The following FKBP5 variants were observed in gnomAD, a reference collection of about 807,000 sequenced individuals.
The protein encoded by FKBP5 is peptidyl-prolyl cis-trans isomerase FKBP5.
A neutral mutation model predicts 50.5 loss-of-function variants in FKBP5; 23 were observed. That is an observed-to-expected ratio of 0.46 (90% CI 0.33 to 0.65). FKBP5 has a LOEUF of 0.65. Among genes scored for constraint, FKBP5 ranks in the 30% least tolerant of loss-of-function variants. The probability of loss-of-function intolerance (pLI) is 0.02; values close to 1 mark genes in which losing one functional copy is unlikely to be tolerated. For synonymous variants in FKBP5, 176 were observed against 190.6 expected (o/e 0.92, Z 0.63); for missense variants, 411 against 553.1 (o/e 0.74, Z 2.58).
At chr6:35,705,825 G>A (rs1207569797) in intron 2 of FKBP5, among the ~76,000 whole-genome samples, 1 of 152,124 alleles carries the variant, frequency 6.6e-6, no homozygotes, top group Non-Finnish European at 1.5e-5. Flanking sequence ...AAGGGAAAAT[G>A]TTGGCTAGAT....
At chr6:35,630,197 C>T (rs563546331) in intron 3 of FKBP5, among the ~76,000 whole-genome samples, 4 of 151,172 alleles carry the variant, frequency 2.6e-5, no homozygotes, top group African/African-American at 7.3e-5. Context: ...AGAGAGCGAG[C>T]GAACACAAGC....
intron 2 of FKBP5, among the ~76,000 whole-genome samples, chr6:35,701,721 T>C (rs1159509451): frequency 6.6e-6 from 1 of 152,050 alleles, no homozygotes; most frequent in Non-Finnish European, 1.5e-5. Context: ...GTTTATTTTT[T>C]GTAGAGACAG....
At chr6:35,723,921 C>T (rs1190774026) in intron 1 of FKBP5, among the ~76,000 whole-genome samples, 1 of 152,216 alleles carries the variant, frequency 6.6e-6, no homozygotes, top group African/African-American at 2.4e-5. Flanking sequence ...ACAAAGTACC[C>T]CAGACAGCAA....
At chr6:35,694,349 A>C (rs1207136364) in intron 2 of FKBP5, among the ~76,000 whole-genome samples, 1 of 151,454 alleles carries the variant, frequency 6.6e-6, no homozygotes, top group Non-Finnish European at 1.5e-5. Flanking sequence ...CACTATTTGC[A>C]GAGACCAGGC....
intron 6 of FKBP5, among the ~76,000 whole-genome samples, chr6:35,591,768 C>A (rs925753691): frequency 2.6e-5 from 4 of 152,154 alleles, no homozygotes; most frequent in African/African-American, 9.7e-5. Flanking sequence ...AAAGTTTTCA[C>A]ACTATTTAAG....
intron 1 of FKBP5, among the ~76,000 whole-genome samples, chr6:35,664,330 A>G (rs1765157305): frequency 6.6e-6 from 1 of 152,168 alleles, no homozygotes; most frequent in South Asian, 2.1e-4. Flanking sequence ...AAGATGAAAG[A>G]TTTTATGAAC....
At chr6:35,579,381 C>T in intron 9 of FKBP5, among the ~76,000 whole-genome samples, 1 of 152,100 alleles carries the variant, frequency 6.6e-6, no homozygotes, top group East Asian at 1.9e-4. Flanking sequence ...CTTTTACCCA[C>T]AGTATAATAT....
intron 8 of FKBP5, chr6:35,581,033 A>T: frequency 2.0e-6 from 2 of 978,664 alleles, no homozygotes; most frequent in Non-Finnish European, 2.4e-6. Flanking sequence ...TTGTAGTGCA[A>T]AAGCTGCTCT....
intron 1 of FKBP5, among the ~76,000 whole-genome samples, chr6:35,666,394 T>TAAAAAAAAAAAAAA (rs550878351): frequency 0.061 from 2,018 of 33,196 alleles, 544 homozygotes; most frequent in Non-Finnish European, 0.08. Context: ...CTATTATAGT[T>TAAAAAAAAAAAAAA]AAAAAAAAAA....
intron 2 of FKBP5, among the ~76,000 whole-genome samples, chr6:35,719,794 A>G (rs1425907904): frequency 6.6e-6 from 1 of 152,240 alleles, no homozygotes; most frequent in Admixed American, 6.5e-5. Flanking sequence ...TTCAACCCCA[A>G]GCTTGACTGC....
chr6:35,658,158 C>T (rs1005838359), intron 1 of FKBP5, among the ~76,000 whole-genome samples: 4 of 151,840 alleles, frequency 2.6e-5, no homozygotes, highest in African/African-American at 9.7e-5. Context: ...GGGTGGATCA[C>T]GAGGTTAGGA....
At chr6:35,682,901 CT>C (rs1313686315) in intron 1 of FKBP5, among the ~76,000 whole-genome samples, 20 of 124,842 alleles carry the variant, frequency 1.6e-4, no homozygotes, top group African/African-American at 5.2e-4. Context: ...GAAACAATCT[CT>C]TTTAAAAAAA....
At chr6:35,633,270 C>G (rs901036901) in intron 3 of FKBP5, among the ~76,000 whole-genome samples, 3 of 152,090 alleles carry the variant, frequency 2.0e-5, no homozygotes, top group African/African-American at 7.2e-5. Flanking sequence ...AGTCTGGGCA[C>G]AGTGGCTCAT....
intron 2 of FKBP5, among the ~76,000 whole-genome samples, chr6:35,696,002 A>G (rs527266485): frequency 6.6e-6 from 1 of 152,026 alleles, no homozygotes; most frequent in East Asian, 1.9e-4. Context: ...AAAATTAGCT[A>G]GGCATGGTGG....
chr6:35,638,407 G>A (rs1452394944), intron 2 of FKBP5, among the ~76,000 whole-genome samples: 1 of 152,148 alleles, frequency 6.6e-6, no homozygotes, highest in East Asian at 1.9e-4. Flanking sequence ...TAACTCAAAA[G>A]CCCAAACATC....
At chr6:35,622,368 C>T (rs949506876) in intron 3 of FKBP5, among the ~76,000 whole-genome samples, 1 of 151,836 alleles carries the variant, frequency 6.6e-6, no homozygotes, top group Non-Finnish European at 1.5e-5. Context: ...AAAATTAGTG[C>T]GGCATGGTGG....
intron 1 of FKBP5, among the ~76,000 whole-genome samples, chr6:35,685,044 A>C (rs1051663860): frequency 4.0e-5 from 6 of 151,846 alleles, no homozygotes; most frequent in Non-Finnish European, 7.4e-5. Context: ...CTGGGCAATA[A>C]AGCAAGACCC....
intron 8 of FKBP5, chr6:35,581,152 C>CTA (rs1483894156): frequency 1.0e-6 from 1 of 981,352 alleles, no homozygotes; most frequent in East Asian, 1.1e-4. Context: ...GACCCCTGAT[C>CTA]TATAGGCAAT....
chr6:35,643,609 T>G (rs140498887), intron 1 of FKBP5, among the ~76,000 whole-genome samples: 1 of 152,172 alleles, frequency 6.6e-6, no homozygotes, highest in Non-Finnish European at 1.5e-5. Context: ...ATGCAGCTCA[T>G]GCTCCAGCCA....
Sources: allele counts gnomAD v4.1 joint callset (sites outside exome capture counted in the v4.1 genomes callset), GRCh38; gene constraint gnomAD v4.1.1; transcripts MANE v1.5; gene names NCBI Gene and HGNC (gene_info 2026-07-23, HGNC 2026-07-21).